DDC: variants seen among roughly 807,000 people sequenced by gnomAD.
DDC encodes aromatic-L-amino-acid decarboxylase.
DDC carries 43 observed loss-of-function variants against 60.0 expected under a neutral mutation model. The ratio of observed to expected loss-of-function variants is 0.72; its 90% CI spans 0.56 to 0.92. The LOEUF (loss-of-function observed/expected upper bound fraction) is 0.92. Among genes scored for constraint, DDC ranks in the 40% least tolerant of loss-of-function variants. The pLI is 0.00. For synonymous variants in DDC, 232 were observed against 234.6 expected (o/e 0.99, Z 0.10); for missense variants, 573 against 620.2 (o/e 0.92, Z 0.81).
chr7:50,476,972 ATCGTTCATCATTCAT>A (rs2042660192), intron 10 of DDC, among the ~76,000 whole-genome samples: 1 of 152,180 alleles, frequency 6.6e-6, no homozygotes, highest in Non-Finnish European at 1.5e-5. Context: ...GATCACGTAA[ATCGTTCATCATTCAT>A]TCATTCATGC....
intron 1 of DDC, among the ~76,000 whole-genome samples, chr7:50,551,896 G>C (rs1395097791): frequency 1.3e-5 from 2 of 152,016 alleles, no homozygotes; most frequent in African/African-American, 4.8e-5. Flanking sequence ...TTGCCCTCCT[G>C]GGGGGCCACA....
At chr7:50,470,460 G>C (rs545584296) in intron 11 of DDC, among the ~76,000 whole-genome samples, 1 of 152,254 alleles carries the variant, frequency 6.6e-6, no homozygotes, top group Non-Finnish European at 1.5e-5. Flanking sequence ...AGCAGGGCCA[G>C]ACCTTGGGCT....
Position 50,504,011 on chromosome 7 carries a change from A to G in DDC, c.763T>C (p.Leu255=). 6.2e-7 allele frequency: 1 copy of G among 1,613,734 alleles called. No homozygotes were observed. Among genetic ancestry groups the G allele is most frequent in the Middle Eastern group, 1.6e-4 (1 of 6,062 alleles). The change falls in exon 7 of 15, where the codon TTA becomes CTA. Residue 255 remains leucine (L), a synonymous_variant. Transcript: ENST00000444124. ...TTTCCSFDNL[L]EVGPICNKED... ...TACTTACAGATAGGACCGACTTCTA[A>G]GAGATTGTCAAAGGAGCAGCATGTT...
intron 3 of DDC, among the ~76,000 whole-genome samples, chr7:50,539,667 A>G (rs2044547020): frequency 6.6e-6 from 1 of 152,232 alleles, no homozygotes; most frequent in African/African-American, 2.4e-5. Context: ...GTTAGTTCAT[A>G]CCAAGTGCTT....
At chr7:50,485,085 G>T (rs2042853893) in intron 9 of DDC, among the ~76,000 whole-genome samples, 2 of 152,102 alleles carry the variant, frequency 1.3e-5, no homozygotes, top group African/African-American at 4.8e-5. Context: ...CAATGCAACA[G>T]AAGTGTACAA....
chr7:50,490,225 G>C lies in DDC; in HGVS notation c.944+5125C>G, dbSNP rs557942319. Reference sequence around the variant, plus strand: ...TGGCCCCATACCTTGTCCTTTACAGGGTCCTGACCTATGGTAAGTAAAAAA... The same window carrying C: ...TGGCCCCATACCTTGTCCTTTACAGCGTCCTGACCTATGGTAAGTAAAAAA... On this transcript the variant is annotated intron_variant, in intron 9 of 14. Coordinates refer to ENST00000444124, the MANE Select transcript of DDC (RefSeq NM_001082971.2). 1.3e-3 allele frequency among the ~76,000 whole-genome samples: 203 copies of C among 152,254 alleles called. 1 individual carries two copies. Among genetic ancestry groups the C allele is most frequent in the Non-Finnish European group, 2.5e-3 (168 of 68,030 alleles).
intron 10 of DDC, among the ~76,000 whole-genome samples, chr7:50,477,109 T>A (rs566681741): frequency 9.2e-5 from 14 of 152,290 alleles, no homozygotes. Flanking sequence ...CAGATCTTAG[T>A]TCAGTATCTG....
At chr7:50,472,705 G>A (rs1356571445) in intron 11 of DDC, among the ~76,000 whole-genome samples, 4 of 152,128 alleles carry the variant, frequency 2.6e-5, no homozygotes, top group East Asian at 1.9e-4. Flanking sequence ...TCAGTGTGCC[G>A]TTCACCATCA....
chr7:50,459,646 G>A (rs1359634242), intron 14 of DDC: 25 of 167,294 alleles, frequency 1.5e-4, no homozygotes, highest in Admixed American at 4.5e-4. Flanking sequence ...CTACCCGGCC[G>A]CGACCCCGTC....
intron 9 of DDC, among the ~76,000 whole-genome samples, chr7:50,492,231 C>T (rs1020496201): frequency 1.3e-5 from 2 of 152,200 alleles, no homozygotes; most frequent in Non-Finnish European, 2.9e-5. Context: ...TTAAGCCAGC[C>T]CTAGCCAACT....
chr7:50,531,704 A>G (rs894632211), intron 4 of DDC: 1 of 152,060 alleles, frequency 6.6e-6, no homozygotes, highest in Non-Finnish European at 1.5e-5. Flanking sequence ...CACCACCCCG[A>G]TGCCACCAGG....
At chr7:50,512,615 G>A (rs547120139) in intron 6 of DDC, among the ~76,000 whole-genome samples, 111 of 152,292 alleles carry the variant, frequency 7.3e-4, no homozygotes, top group African/African-American at 2.4e-3. Flanking sequence ...TGAGAAAAAG[G>A]GAACTGTCCT....
At chr7:50,494,889 C>T (rs556903839) in intron 9 of DDC, among the ~76,000 whole-genome samples, 32 of 152,132 alleles carry the variant, frequency 2.1e-4, no homozygotes, top group African/African-American at 6.7e-4. Flanking sequence ...TCTTGAACTC[C>T]GGACCTCAGG....
At chr7:50,497,024 A>G (rs1197424180) in intron 8 of DDC, among the ~76,000 whole-genome samples, 2 of 152,228 alleles carry the variant, frequency 1.3e-5, no homozygotes, top group African/African-American at 2.4e-5. Context: ...GTTAAAGAGG[A>G]GCTCTGTTTG....
chr7:50,469,286 G>C (rs1046577458), intron 12 of DDC, among the ~76,000 whole-genome samples: 1 of 151,224 alleles, frequency 6.6e-6, no homozygotes, highest in Admixed American at 6.6e-5. Flanking sequence ...AAGCAGGGGA[G>C]TGGGGCTTGG....
At chr7:50,509,024 A>G (rs943001215) in intron 6 of DDC, among the ~76,000 whole-genome samples, 3 of 151,934 alleles carry the variant, frequency 2.0e-5, no homozygotes, top group Admixed American at 6.6e-5. Flanking sequence ...GGCTTTCCAA[A>G]TCCCCTCTAG....
chr7:50,545,326 G>A (rs1175601034), intron 1 of DDC, among the ~76,000 whole-genome samples: 1 of 152,174 alleles, frequency 6.6e-6, no homozygotes, highest in East Asian at 1.9e-4. Context: ...GCAAGTAGGA[G>A]AATTTGCATA....
At chr7:50,498,498 CCCG>C (rs1360991877) in intron 8 of DDC, among the ~76,000 whole-genome samples, 2 of 152,218 alleles carry the variant, frequency 1.3e-5, no homozygotes, top group African/African-American at 4.8e-5. Context: ...ACAATGAAAT[CCCG>C]CTTGAGTCTG....
intron 9 of DDC, among the ~76,000 whole-genome samples, chr7:50,483,906 A>AG (rs2042825551): frequency 6.6e-6 from 1 of 151,508 alleles, no homozygotes; most frequent in Admixed American, 6.6e-5. Flanking sequence ...TCCATCTCAA[A>AG]AAAAAAAAAA....
Sources: gnomAD v4.1 joint callset for allele counts (sites outside exome capture counted in the v4.1 genomes callset) on GRCh38, gnomAD v4.1.1 for gene constraint, MANE v1.5 for transcripts, NCBI Gene and HGNC (gene_info 2026-07-23, HGNC 2026-07-21) for gene names.